IFT74: variants seen among roughly 807,000 people sequenced by gnomAD.
IFT74 encodes the protein intraflagellar transport 74.
Under a neutral mutation model 96.7 loss-of-function variants are expected in IFT74, and 92 were observed. That is an observed-to-expected ratio of 0.95 (90% CI 0.80 to 1.13). IFT74 has a LOEUF of 1.13. Among genes scored for constraint, IFT74 ranks in the 50% most tolerant of loss-of-function variants. The probability of loss-of-function intolerance (pLI) is 0.00; values close to 1 mark genes in which losing one functional copy is unlikely to be tolerated. For synonymous variants in IFT74, 223 were observed against 213.2 expected (o/e 1.05, Z -0.40); for missense variants, 811 against 698.2 (o/e 1.16, Z -1.82).
At chr9:26,958,353 C>T (rs543429636) in intron 1 of IFT74, among the ~76,000 whole-genome samples, 4 of 152,288 alleles carry the variant, frequency 2.6e-5, no homozygotes, top group Admixed American at 6.5e-5. Flanking sequence ...CAGTTATGGA[C>T]TGGTCATGGA....
At chr9:27,041,008 C>T (rs904057760) in intron 13 of IFT74, among the ~76,000 whole-genome samples, 5 of 152,262 alleles carry the variant, frequency 3.3e-5, no homozygotes, top group East Asian at 1.9e-4. Flanking sequence ...ATCTCCCTTA[C>T]TGCACTGCTG....
chr9:27,018,787 T>C (rs1829469099), intron 12 of IFT74, 100 bp downstream of exon 12: 9 of 612,014 alleles, frequency 1.5e-5, no homozygotes, highest in South Asian at 6.7e-5. Context: ...ATTTTACTTA[T>C]AGCTTTAAAT....
intron 16 of IFT74, among the ~76,000 whole-genome samples, chr9:27,048,808 C>T (rs138687578): frequency 1.6e-3 from 248 of 152,262 alleles, no homozygotes; most frequent in African/African-American, 5.3e-3. Flanking sequence ...CTGATAATCA[C>T]GTTTTAATGG....
At chr9:26,997,718 G>C (rs1828240226) in intron 8 of IFT74, 1 of 1,576,132 alleles carries the variant, frequency 6.3e-7, no homozygotes, top group African/African-American at 1.4e-5. Context: ...GCTTAATTAT[G>C]ATAGCTTACC....
chr9:27,040,100 T>C (rs1240500171), intron 13 of IFT74, among the ~76,000 whole-genome samples: 3 of 152,132 alleles, frequency 2.0e-5, no homozygotes, highest in Non-Finnish European at 4.4e-5. Context: ...AAATCCTAGA[T>C]TGCATAACAA....
chr9:27,060,745 T>G (rs1472738844), intron 19 of IFT74, 94 bp downstream of exon 19: 21 of 782,676 alleles, frequency 2.7e-5, no homozygotes, highest in Non-Finnish European at 3.9e-5. Flanking sequence ...GGCCACAAGG[T>G]CAGGAGATTG....
At chr9:26,991,717 G>T (rs1035577351) in intron 8 of IFT74, among the ~76,000 whole-genome samples, 1 of 151,604 alleles carries the variant, frequency 6.6e-6, no homozygotes, top group African/African-American at 2.4e-5. Context: ...ACTCTCTTAG[G>T]TACTTCAAAG....
At chr9:27,059,833 A>G (rs1820338148) in intron 18 of IFT74, among the ~76,000 whole-genome samples, 1 of 152,256 alleles carries the variant, frequency 6.6e-6, no homozygotes, top group Non-Finnish European at 1.5e-5. Context: ...ATTTTTAAAA[A>G]TAATCATTAC....
chr9:26,970,566 A>C (rs1159177360), intron 2 of IFT74, among the ~76,000 whole-genome samples: 1 of 152,222 alleles, frequency 6.6e-6, no homozygotes, highest in East Asian at 1.9e-4. Context: ...TGGAAAACAA[A>C]AAGTAGCATA....
rs7865919 is a variant in IFT74, at chr9:27,064,732, A to G, written c.*1996A>G. Among the ~76,000 whole-genome samples the G allele has an allele frequency of 8.7e-3, 1,317 of 152,134 alleles. 19 individuals are homozygous for G. The highest frequency in any genetic ancestry group is 0.03 in the African/African-American group (1,245 of 41,514). On this transcript the variant is annotated 3_prime_UTR_variant, in exon 20 of 20. Transcript: ENST00000380062. Reference sequence around the variant, plus strand: ...TTTGAAAGCAAATTTAAATGCCTTTACTTTTTCCTTAGGTTTTTTTTTATG... The same window carrying G: ...TTTGAAAGCAAATTTAAATGCCTTTGCTTTTTCCTTAGGTTTTTTTTTATG...
chr9:26,957,180 T>G (rs772523029), intron 1 of IFT74, among the ~76,000 whole-genome samples: 1 of 152,184 alleles, frequency 6.6e-6, no homozygotes, highest in Non-Finnish European at 1.5e-5. Flanking sequence ...CCGAAGTTAG[T>G]GGTATATTTG....
chr9:27,033,332 T>G (rs1010944828), intron 13 of IFT74, among the ~76,000 whole-genome samples: 3 of 150,080 alleles, frequency 2.0e-5, no homozygotes, highest in Non-Finnish European at 4.4e-5. Flanking sequence ...CTGAGGGGGG[T>G]GGATTGCTTG....
chr9:26,947,436 C>G (rs910763475), intron 1 of IFT74: 3 of 182,310 alleles, frequency 1.6e-5, no homozygotes, highest in African/African-American at 2.3e-5. Flanking sequence ...ACCCGGGTCT[C>G]TTCCGACTCC....
At chr9:26,982,899 C>T (rs1156887456) in intron 4 of IFT74, among the ~76,000 whole-genome samples, 4 of 152,092 alleles carry the variant, frequency 2.6e-5, no homozygotes, top group Non-Finnish European at 5.9e-5. Context: ...GCCTCATAAA[C>T]TTTTGTTATA....
At chr9:27,003,360 T>C (rs1050101041) in intron 8 of IFT74, among the ~76,000 whole-genome samples, 2 of 152,040 alleles carry the variant, frequency 1.3e-5, no homozygotes, top group African/African-American at 4.8e-5. Context: ...TCATCTCTAC[T>C]ACAATTACAA....
intron 8 of IFT74, chr9:26,993,190 G>C (rs1477094595): frequency 6.6e-6 from 1 of 151,966 alleles, no homozygotes; most frequent in Non-Finnish European, 1.5e-5. Flanking sequence ...TTCAACAGAG[G>C]CCCTTGAATA....
chr9:27,037,676 C>G (rs1230592527), intron 13 of IFT74, among the ~76,000 whole-genome samples: 1 of 152,214 alleles, frequency 6.6e-6, no homozygotes, highest in South Asian at 2.1e-4. Flanking sequence ...TATGTGGCAA[C>G]ACAGCAGGTT....
intron 13 of IFT74, among the ~76,000 whole-genome samples, chr9:27,035,723 A>G (rs1468585029): frequency 6.6e-6 from 1 of 152,234 alleles, no homozygotes; most frequent in African/African-American, 2.4e-5. Context: ...ACTTCTACAT[A>G]GTCCTTTTGT....
intron 18 of IFT74, among the ~76,000 whole-genome samples, chr9:27,059,099 G>A (rs1248585235): frequency 2.6e-5 from 4 of 152,172 alleles, no homozygotes; most frequent in South Asian, 2.1e-4. Flanking sequence ...CCAGTGAGTG[G>A]TTAACTTGTT....
Sources: gnomAD v4.1 joint callset for allele counts (sites outside exome capture counted in the v4.1 genomes callset) on GRCh38, gnomAD v4.1.1 for gene constraint, MANE v1.5 for transcripts, NCBI Gene and HGNC (gene_info 2026-07-23, HGNC 2026-07-21) for gene names.